TNC: variants seen among roughly 807,000 people sequenced by gnomAD.
TNC encodes tenascin.
TNC carries 109 observed loss-of-function variants against 202.4 expected under a neutral mutation model. The ratio of observed to expected loss-of-function variants is 0.54; its 90% CI spans 0.46 to 0.63. The LOEUF (loss-of-function observed/expected upper bound fraction) is 0.63. Ranked by LOEUF, TNC falls within the 30% of genes least tolerant of loss-of-function variation. The pLI, the probability that TNC is intolerant of heterozygous loss-of-function variation, is 0.00. For synonymous variants in TNC, 1,007 were observed against 1,089.7 expected (o/e 0.92, Z 1.50); for missense variants, 2,756 against 2,833.3 (o/e 0.97, Z 0.62).
chr9:115,056,201 A>G (rs1025383539), intron 15 of TNC, among the ~76,000 whole-genome samples: 4 of 139,980 alleles, frequency 2.9e-5, no homozygotes, highest in East Asian at 2.0e-4. Flanking sequence ...TCTGTAGACA[A>G]TATTTTTTTT....
At chr9:115,071,783 C>T (rs34865477) in intron 10 of TNC, among the ~76,000 whole-genome samples, 16,156 of 152,150 alleles carry the variant, frequency 0.11, 920 homozygotes, top group Middle Eastern at 0.16. Context: ...GGGATTTCAT[C>T]TTTTGGGCAT....
At chr9:115,044,527 T>TG (rs1403647567) in intron 17 of TNC, among the ~76,000 whole-genome samples, 2 of 151,988 alleles carry the variant, frequency 1.3e-5, no homozygotes, top group Non-Finnish European at 2.9e-5. Context: ...GCCTTTTTTT[T>TG]TTGTTGTTCT....
At chr9:115,027,209 G>A (rs1322783164) in intron 25 of TNC, among the ~76,000 whole-genome samples, 5 of 152,092 alleles carry the variant, frequency 3.3e-5, no homozygotes, top group South Asian at 2.1e-4. Flanking sequence ...GTAAAATCGG[G>A]TTGACATTTT....
At chr9:115,026,490 G>A in intron 26 of TNC, 44 bp downstream of exon 26, 1 of 1,583,416 alleles carries the variant, frequency 6.3e-7, no homozygotes, top group African/African-American at 1.3e-5. Context: ...ATGTCAAGAA[G>A]GTCTCCATGG....
chr9:115,071,911 T>G (rs897206420), intron 10 of TNC, among the ~76,000 whole-genome samples: 1 of 152,218 alleles, frequency 6.6e-6, no homozygotes, highest in Non-Finnish European at 1.5e-5. Flanking sequence ...CCCCACCTTA[T>G]TTTTTAATTA....
chr9:115,052,341 T>G (rs1198020869), intron 15 of TNC, among the ~76,000 whole-genome samples: 1 of 151,682 alleles, frequency 6.6e-6, no homozygotes, highest in African/African-American at 2.4e-5. Flanking sequence ...GGTCAAGGAG[T>G]ACAAAGTTCA....
In TNC at chr9:115,048,368, T is replaced by A; in HGVS notation, c.4744A>T (p.Arg1582Trp). 1 of 1,614,108 alleles carries A rather than the reference T, an allele frequency of 6.2e-7. No individual in the cohort carries two copies. Among genetic ancestry groups the A allele is most frequent in the Non-Finnish European group, 8.5e-7 (1 of 1,179,982 alleles). Residue 1582 changes from arginine (R) to tryptophan (W), a missense_variant, in exon 16 of 28, where the codon AGG becomes TGG. Around this residue, in one of 2 missense-constraint regions of TNC, gnomAD observed 2,559 missense variants for 2,546.0 expected, o/e 1.01. Transcript: ENST00000350763. ...PQEFTLSGTQ[R>W]KLELRGLITG... Reference sequence around the variant, plus strand: ...ATGAGGCCTCTAAGCTCCAGCTTCCTCTGGGTTCCTGAAAGTGTGAATTCC... The same window carrying A: ...ATGAGGCCTCTAAGCTCCAGCTTCCACTGGGTTCCTGAAAGTGTGAATTCC...
At chr9:115,065,569 T>C (rs1832885204) in intron 10 of TNC, among the ~76,000 whole-genome samples, 1 of 152,176 alleles carries the variant, frequency 6.6e-6, no homozygotes, top group South Asian at 2.1e-4. Context: ...CATAATGGGG[T>C]GGCCCTCAGT....
chr9:115,038,897 G>A (rs10982504), intron 19 of TNC, among the ~76,000 whole-genome samples: 30,974 of 151,536 alleles, frequency 0.2, 3,606 homozygotes, highest in Non-Finnish European at 0.28. Flanking sequence ...GCACGATCTC[G>A]GCTCACTGCA....
intron 10 of TNC, among the ~76,000 whole-genome samples, chr9:115,069,888 T>C (rs1833336386): frequency 1.4e-5 from 2 of 147,780 alleles, no homozygotes; most frequent in African/African-American, 5.0e-5. Flanking sequence ...TTAAGCGGAA[T>C]TGAAGACTTT....
At chr9:115,033,662 T>C (rs1421209501) in intron 22 of TNC, among the ~76,000 whole-genome samples, 6 of 152,250 alleles carry the variant, frequency 3.9e-5, no homozygotes, top group Admixed American at 1.3e-4. Flanking sequence ...TTATTAGCAA[T>C]GTGTCCAGTT....
At chr9:115,030,066 G>A (rs1322405056) in intron 24 of TNC, among the ~76,000 whole-genome samples, 188 bp downstream of exon 24, 5 of 152,208 alleles carry the variant, frequency 3.3e-5, no homozygotes, top group Admixed American at 6.5e-5. Flanking sequence ...AGTAGCCAGC[G>A]TGTTTCCCAT....
Position 115,070,332 on chromosome 9 carries a change from C to A in TNC, c.3214+3271G>T, listed in dbSNP as rs114321834. On this transcript the variant is annotated intron_variant, in intron 10 of 27. Coordinates refer to ENST00000350763, the MANE Select transcript of TNC (RefSeq NM_002160.4). The stretch of plus-strand genomic sequence containing the variant: ...TGAAGTGCTGGGAAAAGAGTGGTAT[C>A]CAGGGAGTGGGAGCAGCACACTCCA... 5.6e-3 allele frequency among the ~76,000 whole-genome samples: 847 copies of A among 152,182 alleles called. 7 individuals carry two copies. Among genetic ancestry groups the A allele is most frequent in the African/African-American group, 0.02 (816 of 41,516 alleles).
chr9:115,058,915 T>G (rs906560981), intron 14 of TNC, among the ~76,000 whole-genome samples: 1 of 152,118 alleles, frequency 6.6e-6, no homozygotes. Flanking sequence ...GAGTAAACTA[T>G]AATGCACCCT....
chr9:115,031,662 G>A lies in TNC; in HGVS notation c.5811C>T (p.Thr1937=), dbSNP rs762055829. ...TCAGGTCTGCCAGGCTGTAGGAGGT[G>A]GTATCTGGACCCACAATGACTTCCT... ...TVKEVIVGPD[T]TSYSLADLSP... The change falls in exon 23 of 28, where the codon ACC becomes ACT. Residue 1937 remains threonine, a synonymous_variant. Coordinates refer to ENST00000350763, the MANE Select transcript of TNC (RefSeq NM_002160.4). 3 of 1,610,026 alleles carry A rather than the reference G, an allele frequency of 1.9e-6. No homozygotes were observed. Among genetic ancestry groups the A allele is most frequent in the Non-Finnish European group, 2.5e-6 (3 of 1,178,298 alleles).
intron 6 of TNC, among the ~76,000 whole-genome samples, chr9:115,080,340 T>C (rs1212459929): frequency 6.6e-6 from 1 of 152,172 alleles, no homozygotes; most frequent in Non-Finnish European, 1.5e-5. Flanking sequence ...TTCCTGTTGG[T>C]ACCTGCTTTT....
intron 6 of TNC, among the ~76,000 whole-genome samples, chr9:115,078,971 T>G (rs912865954): frequency 3.9e-5 from 6 of 152,206 alleles, no homozygotes; most frequent in Non-Finnish European, 8.8e-5. Context: ...AAATGTTGTC[T>G]CCTAATGAGA....
chr9:115,073,140 G>A (rs1833584618), intron 10 of TNC, among the ~76,000 whole-genome samples: 1 of 152,020 alleles, frequency 6.6e-6, no homozygotes, highest in Admixed American at 6.6e-5. Context: ...GAAAGCAAAA[G>A]ACCTGGAATA....
At position 115,103,966 on chromosome 9, in the gene TNC, A is replaced by G. The variant is rs200046932; in HGVS notation, c.-136-12812T>C. 1.3e-4 allele frequency among the ~76,000 whole-genome samples: 19 copies of G among 147,932 alleles called. No homozygotes were observed. In the East Asian group the frequency reaches 3.1e-3, roughly 24 times the overall value. On this transcript the variant is annotated intron_variant, in intron 1 of 27. Transcript: ENST00000350763. ...AGAAATGCTCAGATGAAATATGACT[A>G]GATCCATTGATACATTCAGACCACA...
Sources: gnomAD v4.1 joint callset for allele counts (sites outside exome capture counted in the v4.1 genomes callset) on GRCh38, gnomAD v4.1.1 for gene constraint, gnomAD v4.1.1 regional missense constraint, MANE v1.5 for transcripts, NCBI Gene and HGNC (gene_info 2026-07-23, HGNC 2026-07-21) for gene names.